DAB1: variants seen among roughly 807,000 people sequenced by gnomAD.
DAB1 encodes the protein disabled homolog 1.
DAB1 carries 15 observed loss-of-function variants against 64.6 expected under a neutral mutation model. That is an observed-to-expected ratio of 0.23 (90% confidence interval 0.16 to 0.36). The LOEUF (loss-of-function observed/expected upper bound fraction) is 0.36, where lower values mean the gene tolerates loss of function less well. DAB1 is among the 10% of genes least tolerant of loss of function. The pLI, the probability that DAB1 is intolerant of heterozygous loss-of-function variation, is 1.00. For missense variants in DAB1, 596 were observed against 706.7 expected (o/e 0.84, Z 1.78); for synonymous variants, 235 against 251.9 (o/e 0.93, Z 0.64).
chr1:57,467,975 C>T (rs1239019733), intron 7 of DAB1, among the ~76,000 whole-genome samples: 3 of 152,176 alleles, frequency 2.0e-5, no homozygotes, highest in African/African-American at 4.8e-5. Flanking sequence ...GAACTGTGTT[C>T]TGAGTGCTTG....
intron 3 of DAB1, among the ~76,000 whole-genome samples, chr1:58,491,642 C>A (rs1317273067): frequency 1.3e-5 from 2 of 152,000 alleles, no homozygotes; most frequent in African/African-American, 4.8e-5. Context: ...AGACTTTAAA[C>A]CAACAAAGAT....
intron 6 of DAB1, among the ~76,000 whole-genome samples, chr1:57,743,652 G>T (rs1448788538): frequency 6.6e-6 from 1 of 152,170 alleles, no homozygotes; most frequent in East Asian, 1.9e-4. Flanking sequence ...GCCTACAGGT[G>T]TGTGCCGAGC....
At chr1:57,131,257 G>A (rs1006341856) in intron 4 of DAB1, among the ~76,000 whole-genome samples, 1 of 152,144 alleles carries the variant, frequency 6.6e-6, no homozygotes, top group Non-Finnish European at 1.5e-5. Flanking sequence ...AAATGACCAG[G>A]GTGGAACTTC....
At chr1:57,217,192 A>G (rs1379768945) in intron 2 of DAB1, among the ~76,000 whole-genome samples, 1 of 152,246 alleles carries the variant, frequency 6.6e-6, no homozygotes, top group Non-Finnish European at 1.5e-5. Flanking sequence ...TCCTCCTGAA[A>G]TACCTATTAT....
At chr1:58,156,728 G>T (rs150025595) in intron 4 of DAB1, among the ~76,000 whole-genome samples, 1 of 152,292 alleles carries the variant, frequency 6.6e-6, no homozygotes, top group East Asian at 1.9e-4. Context: ...CATGTGCAAA[G>T]TGCGGAGGAA....
chr1:57,788,816 G>T (rs1405769907), intron 6 of DAB1, among the ~76,000 whole-genome samples: 2 of 152,160 alleles, frequency 1.3e-5, no homozygotes, highest in African/African-American at 4.8e-5. Context: ...GTTGTTGATT[G>T]AGACTCTATC....
intron 1 of DAB1, among the ~76,000 whole-genome samples, chr1:57,380,930 G>A (rs918733272): frequency 3.3e-5 from 5 of 152,168 alleles, no homozygotes; most frequent in Admixed American, 6.5e-5. Context: ...AAATGTAAGA[G>A]TTGATGAGTA....
intron 5 of DAB1, among the ~76,000 whole-genome samples, chr1:57,953,959 C>T (rs1557575660): frequency 6.6e-6 from 1 of 152,092 alleles, no homozygotes; most frequent in African/African-American, 2.4e-5. Flanking sequence ...CCACCAACTC[C>T]CTTTTTGGTT....
At chr1:57,864,497 C>G (rs1481761889) in intron 1 of DAB1, 1 of 152,024 alleles carries the variant, frequency 6.6e-6, no homozygotes, top group Non-Finnish European at 1.5e-5. Context: ...AGACTCAAAT[C>G]TATCAGAACT....
At position 57,312,312 on chromosome 1, in the gene DAB1, G is replaced by A. The variant is rs148497594; in HGVS notation, c.-136-21146C>T. Reference sequence around the variant, plus strand: ...ACATAATTTTATCTAAGCAGATGCCGTCTACAATAATTTAGAAACCTCTTC... The same window carrying A: ...ACATAATTTTATCTAAGCAGATGCCATCTACAATAATTTAGAAACCTCTTC... On this transcript the variant is annotated intron_variant, in intron 1 of 14. Coordinates refer to ENST00000371236, the MANE Select transcript of DAB1 (RefSeq NM_001365792.1). Among the ~76,000 whole-genome samples the A allele has an allele frequency of 3.4e-3, 518 of 151,372 alleles. 2 individuals carry two copies. Among genetic ancestry groups the A allele is most frequent in the African/African-American group, 0.012 (496 of 41,208 alleles).
chr1:57,293,699 A>G (rs1672966435), intron 1 of DAB1, among the ~76,000 whole-genome samples: 1 of 152,206 alleles, frequency 6.6e-6, no homozygotes, highest in Admixed American at 6.5e-5. Flanking sequence ...GGTCTTGGAC[A>G]CAGTAGGTAC....
rs114804255 is a variant in DAB1, at chr1:58,371,394, G to A, written n.258-27991C>T. Among the ~76,000 whole-genome samples the A allele has an allele frequency of 4.0e-3, 613 of 152,288 alleles. 2 individuals are homozygous for A. Among genetic ancestry groups the A allele is most frequent in the African/African-American group, 0.014 (569 of 41,564 alleles). On this transcript the variant is annotated intron_variant and non_coding_transcript_variant, in intron 3 of 20. Coordinates refer to the DAB1 transcript ENST00000485760. The stretch of plus-strand genomic sequence containing the variant: ...ATGTGGCCTGGGTGCTCTTAACAGC[G>A]TACAGCAATATGCATTCACAAAGAG...
intron 5 of DAB1, among the ~76,000 whole-genome samples, chr1:58,076,091 T>C (rs1216260268): frequency 1.3e-5 from 2 of 152,004 alleles, no homozygotes; most frequent in Non-Finnish European, 2.9e-5. Context: ...GAAAAGGAAA[T>C]AGTGAGGTGG....
At chr1:57,333,397 T>C (rs1235641152) in intron 1 of DAB1, among the ~76,000 whole-genome samples, 1 of 152,248 alleles carries the variant, frequency 6.6e-6, no homozygotes, top group Non-Finnish European at 1.5e-5. Context: ...TGGGCACACT[T>C]ATCTTACAGG....
intron 5 of DAB1, among the ~76,000 whole-genome samples, chr1:57,924,314 A>C (rs754755009): frequency 2.0e-5 from 3 of 152,208 alleles, no homozygotes; most frequent in Admixed American, 6.5e-5. Flanking sequence ...GAATGATCAG[A>C]TACTATGATC....
chr1:58,236,326 A>C (rs1026665202), intron 4 of DAB1, among the ~76,000 whole-genome samples: 2 of 152,132 alleles, frequency 1.3e-5, no homozygotes, highest in African/African-American at 4.8e-5. Flanking sequence ...CTCATTTAGC[A>C]GGGAACAAAT....
At chr1:57,492,488 TC>T (rs1336673212) in intron 7 of DAB1, among the ~76,000 whole-genome samples, 1 of 152,220 alleles carries the variant, frequency 6.6e-6, no homozygotes, top group African/African-American at 2.4e-5. Flanking sequence ...GATGAAAACT[TC>T]CTGTATCTGA....
chr1:57,778,465 G>A (rs775235100), intron 6 of DAB1, among the ~76,000 whole-genome samples: 1 of 151,840 alleles, frequency 6.6e-6, no homozygotes, highest in African/African-American at 2.4e-5. Flanking sequence ...TCTTATCAAG[G>A]ATCACATTCC....
At chr1:57,768,656 C>T (rs1279767251) in intron 6 of DAB1, among the ~76,000 whole-genome samples, 2 of 151,242 alleles carry the variant, frequency 1.3e-5, no homozygotes, top group Non-Finnish European at 2.9e-5. Flanking sequence ...GTTTGATATA[C>T]AGGCATATAT....
Sources: gnomAD v4.1 joint callset for allele counts (sites outside exome capture counted in the v4.1 genomes callset) on GRCh38, gnomAD v4.1.1 for gene constraint, MANE v1.5 for transcripts, NCBI Gene and HGNC (gene_info 2026-07-23, HGNC 2026-07-21) for gene names.